The following S1PR2 variants were observed in gnomAD, a reference collection of about 807,000 sequenced individuals.
S1PR2 encodes the protein sphingosine 1-phosphate receptor 2.
A neutral mutation model predicts 16.1 loss-of-function variants in S1PR2; 9 were observed. The observed-to-expected ratio is 0.56, with a 90% CI of 0.34 to 0.98. The LOEUF (loss-of-function observed/expected upper bound fraction) is 0.98. Ranked by LOEUF, S1PR2 falls within the 50% of genes least tolerant of loss-of-function variation. The pLI, the probability that S1PR2 is intolerant of heterozygous loss-of-function variation, is 0.02. For missense variants in S1PR2, 361 were observed against 488.4 expected, an observed-to-expected ratio of 0.74 and a Z score of 2.46; for synonymous variants, 224 against 233.9, an observed-to-expected ratio of 0.96 and a Z score of 0.38.
Position 10,223,564 on chromosome 19 carries a change from C to T in S1PR2, c.*280G>A, listed in dbSNP as rs1039191686. ...TCCCCTTAAATGCTGCCTGCCCTCA[C>T]CCTGGCTCTTCACAGGTCCCCTGCC... is the stretch of plus-strand genomic sequence containing the variant. On this transcript the variant is annotated 3_prime_UTR_variant, in exon 2 of 2. Transcript: ENST00000646641. 2.3e-6 allele frequency: 1 copy of T among 433,440 alleles called. No homozygotes were observed. Among genetic ancestry groups the T allele is most frequent in the Non-Finnish European group, 4.1e-6 (1 of 245,890 alleles). The allele number at this position is 433,440 out of a possible 1,614,324, so 26.8% of individuals were successfully genotyped here.
At chr19:10,229,389 A>C (rs2145445489) in intron 1 of S1PR2, among the ~76,000 whole-genome samples, 1 of 151,914 alleles carries the variant, frequency 6.6e-6, no homozygotes, top group East Asian at 1.9e-4. Context: ...TCCTGAGTTC[A>C]AGCGATTCTC....
intron 1 of S1PR2, among the ~76,000 whole-genome samples, chr19:10,226,487 C>T (rs925480872): frequency 1.3e-5 from 2 of 152,202 alleles, no homozygotes; most frequent in South Asian, 2.1e-4. Context: ...GCATGAGGCA[C>T]GTTTAGCTCA....
At chr19:10,230,780 G>A (rs531656170) in intron 1 of S1PR2, among the ~76,000 whole-genome samples, 3 of 152,324 alleles carry the variant, frequency 2.0e-5, no homozygotes, top group East Asian at 1.9e-4. Flanking sequence ...CGCCCTCCCC[G>A]TGGGTGCCGC....
chr19:10,231,038 C>T (rs908211150), intron 1 of S1PR2, among the ~76,000 whole-genome samples, 166 bp downstream of exon 1: 1 of 152,218 alleles, frequency 6.6e-6, no homozygotes, highest in African/African-American at 2.4e-5. Context: ...GTGGGGGCCG[C>T]CCGGATTCTT....
At chr19:10,225,690 G>A (rs2039630185) in intron 1 of S1PR2, among the ~76,000 whole-genome samples, 1 of 151,814 alleles carries the variant, frequency 6.6e-6, no homozygotes, top group African/African-American at 2.4e-5. Flanking sequence ...GAGCCACCGG[G>A]CCCAGCCGCC....
At position 10,221,479 on chromosome 19, in the gene S1PR2, T is replaced by C. The variant is rs2039592502; in HGVS notation, c.*2365A>G. The stretch of plus-strand genomic sequence containing the variant: ...TAGCCTAGGTCTGGGTTTCAGGCAT[T>C]GCGGAGGCACGTCTGGGGAGCTCTA... On this transcript the variant is annotated 3_prime_UTR_variant, in exon 2 of 2. Transcript: ENST00000646641. 2 of 152,286 alleles carry C rather than the reference T, an allele frequency of 1.3e-5. No homozygotes were observed. Among genetic ancestry groups the C allele is most frequent in the South Asian group, 4.1e-4 (2 of 4,824 alleles). 9.4% of individuals were successfully genotyped at this position (152,286 alleles called of 1,614,324 possible).
At chr19:10,225,326 G>A (rs1458348385) in intron 1 of S1PR2, among the ~76,000 whole-genome samples, 1 of 150,976 alleles carries the variant, frequency 6.6e-6, no homozygotes, top group East Asian at 2.0e-4. Flanking sequence ...GGGCTCAAGT[G>A]ATCCTCCCAC....
At chr19:10,225,064 G>C (rs1252022219) in intron 1 of S1PR2, 117 bp from the exon 2 acceptor site, 1 of 608,958 alleles carries the variant, frequency 1.6e-6, no homozygotes, top group African/African-American at 1.8e-5. Context: ...TCGAGGAAGG[G>C]CCACATGAAT....
Position 10,230,865 on chromosome 19 carries a change from GC to G in S1PR2, c.-43+338del, listed in dbSNP as rs767727256. Among the ~76,000 whole-genome samples the G allele has an allele frequency of 1.1e-3, 159 of 151,166 alleles. No individual in the cohort carries two copies. The East Asian group carries it at 0.023, about 22-fold the overall frequency. ...GCCGGAGTCAGCCAGGAGGGGTGTT[GC>G]CCCCCCCCAAACACACTCCCCAAGA... On this transcript the variant is annotated intron_variant, in intron 1 of 1. Coordinates refer to ENST00000646641, the MANE Select transcript of S1PR2 (RefSeq NM_004230.4).
intron 1 of S1PR2, among the ~76,000 whole-genome samples, chr19:10,226,902 T>C (rs918605936): frequency 6.6e-5 from 10 of 151,166 alleles, no homozygotes; most frequent in African/African-American, 2.4e-4. Flanking sequence ...AAGGCATTTG[T>C]TCCATGAAAA....
rs984202832 is a variant in S1PR2, at chr19:10,223,624, C to A, written c.*220G>T. On this transcript the variant is annotated 3_prime_UTR_variant, in exon 2 of 2. Coordinates refer to ENST00000646641, the MANE Select transcript of S1PR2 (RefSeq NM_004230.4). Reference sequence around the variant, plus strand: ...CCAGGATCCAGTTCTAAAGGGGTCACACTAGCCACTGGACTGGCCCTCAGG... The same window carrying A: ...CCAGGATCCAGTTCTAAAGGGGTCAAACTAGCCACTGGACTGGCCCTCAGG... The A allele has an allele frequency of 4.4e-5, 23 of 523,724 alleles. No individual in the cohort carries two copies. The East Asian group carries it at 6.6e-4, about 15-fold the overall frequency. The allele number at this position is 523,724 out of a possible 1,614,324, so 32.4% of individuals were successfully genotyped here.
chr19:10,230,916 T>A (rs2039672592), intron 1 of S1PR2, among the ~76,000 whole-genome samples: 1 of 151,974 alleles, frequency 6.6e-6, no homozygotes, highest in African/African-American at 2.4e-5. Flanking sequence ...CACGGCGTCC[T>A]GCCTCCCAAA....
rs146537931 is a variant in S1PR2 at position 10,224,080 on chromosome 19, C to T, written c.826G>A (p.Val276Ile). The T allele has an allele frequency of 1.0e-4, 165 of 1,607,046 alleles. 1 individual carries two copies. The African/African-American group carries it at 1.5e-3, about 14-fold the overall frequency. ...ILYKAHYFFAVSTLNSLLNPV... is the reference protein window; with the variant it reads ...ILYKAHYFFAISTLNSLLNPV... ...TTGAGCAGGGAATTCAGGGTGGAGA[C>T]GGCGAAAAAGTAGTGGGCTTTGTAG... Residue 276 changes from valine to isoleucine, a missense_variant, in exon 2 of 2, where the codon GTC becomes ATC. Physicochemically the swap from Val to Ile is conservative, Grantham distance 29. Coordinates refer to ENST00000646641, the MANE Select transcript of S1PR2 (RefSeq NM_004230.4).
At chr19:10,230,720 G>C (rs2039670154) in intron 1 of S1PR2, among the ~76,000 whole-genome samples, 1 of 152,224 alleles carries the variant, frequency 6.6e-6, no homozygotes, top group Non-Finnish European at 1.5e-5. Flanking sequence ...CGGGGGACCG[G>C]AGGAGGCAAA....
Position 10,224,167 on chromosome 19 carries a change from G to C in S1PR2, c.739C>G (p.Leu247Val), listed in dbSNP as rs779462145. The C allele has an allele frequency of 3.1e-6, 5 of 1,608,170 alleles. No individual in the cohort carries two copies. The South Asian group carries it at 5.5e-5, about 18-fold the overall frequency. ...AGAAGGAGGATGCTGAAGGCGGGCA[G>C]CCAGCAGACGATAAAGACGCCTAGC... The part of the protein sequence containing the change: ...IVLGVFIVCW[L>V]PAFSILLLDY... The change falls in exon 2 of 2, where the codon CTG (leucine) becomes GTG (valine). Residue 247 changes from leucine to valine, a missense_variant. By Grantham distance (32) the Leu-to-Val change is conservative. Transcript: ENST00000646641.
chr19:10,228,188 T>G (rs1168372951), intron 1 of S1PR2, among the ~76,000 whole-genome samples: 1 of 150,144 alleles, frequency 6.7e-6, no homozygotes, highest in African/African-American at 2.5e-5. Context: ...GGTGTGCGCC[T>G]GTGATCCCAG....
At chr19:10,226,236 C>A (rs530437233) in intron 1 of S1PR2, among the ~76,000 whole-genome samples, 1 of 152,194 alleles carries the variant, frequency 6.6e-6, no homozygotes, top group African/African-American at 2.4e-5. Flanking sequence ...CTTGAGGCCA[C>A]GGGTGCTCCC....
rs765378016 is a variant in S1PR2 at position 10,223,921 on chromosome 19, G to A, written c.985C>T (p.Arg329Cys). The A allele has an allele frequency of 2.4e-5, 38 of 1,601,700 alleles. No individual in the cohort carries two copies. In the Middle Eastern group the frequency reaches 5.4e-4, roughly 23 times the overall value. The change falls in exon 2 of 2, where the codon CGC (arginine) becomes TGC (cysteine). Residue 329 changes from arginine to cysteine, a missense_variant. Arg to Cys is a radical substitution (Grantham distance 180). Coordinates refer to ENST00000646641, the MANE Select transcript of S1PR2 (RefSeq NM_004230.4). ...CCCCTCTCCAGGGAGCTGGAGCTGC[G>A]GAGTGGCAGGAGGTGGTGGCCCGGG... ...GTPGHHLLPL[R>C]SSSSLERGMH...
chr19:10,226,072 A>G (rs993537858), intron 1 of S1PR2, among the ~76,000 whole-genome samples: 1 of 152,238 alleles, frequency 6.6e-6, no homozygotes, highest in Non-Finnish European at 1.5e-5. Flanking sequence ...AGCAAGCCCT[A>G]GGCAGGTCCT....
Sources: allele counts gnomAD v4.1 joint callset (sites outside exome capture counted in the v4.1 genomes callset), GRCh38; gene constraint gnomAD v4.1.1; transcripts MANE v1.5; gene names NCBI Gene and HGNC (gene_info 2026-07-23, HGNC 2026-07-21).